The following MAPT variants were observed in gnomAD, a reference collection of about 807,000 sequenced individuals.
MAPT encodes the protein microtubule associated protein tau.
MAPT carries 34 observed loss-of-function variants against 67.9 expected under a neutral mutation model. The observed-to-expected ratio is 0.50, with a 90% CI of 0.38 to 0.67. The LOEUF is 0.67. MAPT is among the 30% of genes least tolerant of loss of function. The pLI, the probability that MAPT is intolerant of heterozygous loss-of-function variation, is 0.00. For missense variants in MAPT, 881 were observed against 1,115.2 expected (o/e 0.79, Z 2.99); for synonymous variants, 456 against 464.5 (o/e 0.98, Z 0.23).
In MAPT at chr17:45,972,062, C is replaced by A; in HGVS notation, c.220+117C>A. On this transcript the variant is annotated intron_variant, in intron 3 of 12. Transcript: ENST00000262410. The stretch of plus-strand genomic sequence containing the variant: ...TGGCTGAGAGATGTGCTCACTCCTT[C>A]GGTGCTTTGCAGGACAGCGTGGTGG... 1.3e-6 allele frequency: 1 copy of A among 781,658 alleles called. No homozygotes were observed. The highest frequency in any genetic ancestry group is 1.7e-5 in the African/African-American group (1 of 58,786). The allele number at this position is 781,658 out of a possible 1,614,324, so 48.4% of individuals were successfully genotyped here. A position where few individuals can be genotyped will look rare whatever the true frequency, so the allele number is the denominator to read the frequency against.
At chr17:45,901,004 T>G (rs1597823177) in intron 1 of MAPT, among the ~76,000 whole-genome samples, 1 of 152,102 alleles carries the variant, frequency 6.6e-6, no homozygotes, top group Non-Finnish European at 1.5e-5. Flanking sequence ...ATCCTGGTGA[T>G]GGAATCAGTT....
chr17:45,903,195 C>T (rs540600639), intron 1 of MAPT, among the ~76,000 whole-genome samples: 4 of 152,262 alleles, frequency 2.6e-5, no homozygotes, highest in African/African-American at 9.6e-5. Flanking sequence ...GGTGCTCCTC[C>T]CCCAGCGTAA....
intron 5 of MAPT, among the ~76,000 whole-genome samples, chr17:45,984,767 G>A (rs1388309842): frequency 6.6e-6 from 1 of 152,224 alleles, no homozygotes; most frequent in Non-Finnish European, 1.5e-5. Flanking sequence ...CAGCCCTGCA[G>A]GGAGGGATTG....
At chr17:45,942,475 G>C (rs1218550753) in intron 1 of MAPT, among the ~76,000 whole-genome samples, 1 of 152,220 alleles carries the variant, frequency 6.6e-6, no homozygotes, top group Non-Finnish European at 1.5e-5. Flanking sequence ...ACGTGTCGTG[G>C]GTACTGTCAA....
chr17:45,989,446 C>T (rs1049313691), intron 6 of MAPT, among the ~76,000 whole-genome samples: 2 of 152,032 alleles, frequency 1.3e-5, no homozygotes, highest in African/African-American at 4.8e-5. Context: ...GTCAGGAGAT[C>T]GAGACCATCC....
chr17:45,996,693 G>GT lies in MAPT; in HGVS notation c.1998+30dup, dbSNP rs775404904. 6.2e-7 allele frequency: 1 copy of GT among 1,611,206 alleles called. No homozygotes were observed. The highest frequency in any genetic ancestry group is 1.1e-5 in the South Asian group (1 of 90,738). On this transcript the variant is annotated intron_variant, in intron 9 of 12. Coordinates refer to ENST00000262410, the MANE Select transcript of MAPT (RefSeq NM_001377265.1). This position sits in a 1 kb window ranked among gnomAD's most constrained non-coding sequence, Gnocchi z 4.5. ...AGAGTGGCTGGCTGCGCGTGGAGGT[G>GT]TGGGGGGCTGCGCCTGGAGGGGTAG...
chr17:45,945,234 A>G (rs998998462), intron 1 of MAPT, among the ~76,000 whole-genome samples: 1 of 152,232 alleles, frequency 6.6e-6, no homozygotes, highest in East Asian at 1.9e-4. Context: ...AAACGGGGAT[A>G]ATAAGATAAT....
rs895897745 is a variant in MAPT, at chr17:45,991,503, C to T, written c.1649C>T (p.Ala550Val). The change falls in exon 8 of 13, where the codon GCC (alanine) becomes GTC (valine). Residue 550 changes from alanine (A) to valine (V), a missense_variant. By Grantham distance (64) the Ala-to-Val change is moderately conservative. This residue lies in a region of MAPT where 687 missense variants were observed against 766.1 expected (regional missense o/e 0.90). Coordinates refer to ENST00000262410, the MANE Select transcript of MAPT (RefSeq NM_001377265.1). The stretch of plus-strand genomic sequence containing the variant: ...AAGATCGCCACACCGCGGGGAGCAG[C>T]CCCTCCAGGCCAGAAGGGCCAGGCC... ...KTKIATPRGA[A>V]PPGQKGQANA... 9 of 1,614,112 alleles carry T rather than the reference C, an allele frequency of 5.6e-6. No homozygotes were observed. Among genetic ancestry groups the T allele is most frequent in the Non-Finnish European group, 5.9e-6 (7 of 1,180,054 alleles).
At chr17:45,991,121 C>T (rs1230131105) in intron 7 of MAPT, among the ~76,000 whole-genome samples, 1 of 152,238 alleles carries the variant, frequency 6.6e-6, no homozygotes, top group Middle Eastern at 3.2e-3. Context: ...ATGTGTAGTG[C>T]ACTAATGTCC....
intron 12 of MAPT, among the ~76,000 whole-genome samples, chr17:46,019,557 C>T (rs1047313548): frequency 2.6e-5 from 4 of 152,048 alleles, no homozygotes; most frequent in Admixed American, 6.5e-5. Context: ...CCTGTGGAGA[C>T]GAGGTTTTGC....
chr17:45,953,376 G>A (rs1449919696), intron 1 of MAPT, among the ~76,000 whole-genome samples: 8 of 152,274 alleles, frequency 5.3e-5, no homozygotes, highest in South Asian at 2.1e-4. Flanking sequence ...ATTAGCATGG[G>A]GCAGCTGACC....
chr17:45,948,999 T>G (rs965880193), intron 1 of MAPT, among the ~76,000 whole-genome samples: 1 of 152,248 alleles, frequency 6.6e-6, no homozygotes, highest in Admixed American at 6.5e-5. Context: ...TTGTTTGTTT[T>G]TAACGATAGC....
At position 45,941,159 on chromosome 17, in the gene MAPT, C is replaced by T. The variant is rs181818383; in HGVS notation, c.-17-21162C>T. On this transcript the variant is annotated intron_variant, in intron 1 of 12. Coordinates refer to ENST00000262410, the MANE Select transcript of MAPT (RefSeq NM_001377265.1). Reference sequence around the variant, plus strand: ...GCTGGGAGGCCACAACTCCTACCTACGGGAAAACTGAAGGGCATCTCTATT... The same window carrying T: ...GCTGGGAGGCCACAACTCCTACCTATGGGAAAACTGAAGGGCATCTCTATT... Among the ~76,000 whole-genome samples, 39 of 152,286 alleles carry T rather than the reference C, an allele frequency of 2.6e-4. No homozygotes were observed. In the East Asian group the frequency reaches 4.1e-3, roughly 16 times the overall value.
chr17:45,924,354 C>G (rs914287548), intron 1 of MAPT, among the ~76,000 whole-genome samples: 2 of 152,246 alleles, frequency 1.3e-5, no homozygotes, highest in African/African-American at 4.8e-5. Context: ...TGCTCAGTTC[C>G]TCACCATTAG....
At chr17:46,002,079 G>GA in intron 9 of MAPT, among the ~76,000 whole-genome samples, 1 of 152,242 alleles carries the variant, frequency 6.6e-6, no homozygotes, top group African/African-American at 2.4e-5. Context: ...GGGCAGCAGA[G>GA]GGTGTGTGTT....
intron 9 of MAPT, chr17:45,999,219 T>G: frequency 6.4e-7 from 1 of 1,556,054 alleles, no homozygotes; most frequent in Admixed American, 1.9e-5. Flanking sequence ...CTCTCTCTTC[T>G]TAAAGCCCCT....
At chr17:45,970,689 T>G (rs1250630953) in intron 2 of MAPT, among the ~76,000 whole-genome samples, 1 of 152,214 alleles carries the variant, frequency 6.6e-6, no homozygotes, top group African/African-American at 2.4e-5. Flanking sequence ...ACGGAGGCCC[T>G]GAGAGGCAGG....
chr17:45,900,834 G>A (rs1253635533), intron 1 of MAPT, among the ~76,000 whole-genome samples: 1 of 152,154 alleles, frequency 6.6e-6, no homozygotes, highest in Non-Finnish European at 1.5e-5. Flanking sequence ...ACAACTTGGA[G>A]TATGATGGTA....
At chr17:46,014,456 T>A in intron 11 of MAPT, 132 bp downstream of exon 11, 1 of 740,062 alleles carries the variant, frequency 1.4e-6, no homozygotes, top group Non-Finnish European at 2.4e-6. Context: ...TCAAGGAAAG[T>A]GTTGAGTGTG....
Sources: gnomAD v4.1 joint callset for allele counts (sites outside exome capture counted in the v4.1 genomes callset) on GRCh38, gnomAD v4.1.1 for gene constraint, gnomAD v4.1.1 regional missense constraint, Gnocchi (gnomAD v3.1) non-coding constraint, MANE v1.5 for transcripts, NCBI Gene and HGNC (gene_info 2026-07-23, HGNC 2026-07-21) for gene names.